The following C2orf74 variants were observed in gnomAD, a reference collection of about 807,000 sequenced individuals.
C2orf74 encodes the protein uncharacterized protein C2orf74.
C2orf74 carries 14 observed loss-of-function variants against 17.9 expected under a neutral mutation model. That is an observed-to-expected ratio of 0.78 (90% CI 0.52 to 1.22). C2orf74 has a LOEUF of 1.22. C2orf74 is among the 50% of genes most tolerant of loss of function. C2orf74 has a pLI of 0.00. For missense variants in C2orf74, 217 were observed against 218.4 expected, an observed-to-expected ratio of 0.99 and a Z score of 0.04; for synonymous variants, 79 against 72.6, an observed-to-expected ratio of 1.09 and a Z score of -0.44.
upstream of C2orf74, among the ~76,000 whole-genome samples, chr2:61,160,191 T>C (rs1053576716): frequency 7.3e-5 from 11 of 151,286 alleles, no homozygotes; most frequent in Non-Finnish European, 1.5e-4. Context: ...GAAGTCCTGC[T>C]CTTGTTCTCC....
At chr2:61,151,855 A>G (rs1685236785) in intron 1 of C2orf74, 1 of 152,342 alleles carries the variant, frequency 6.6e-6, no homozygotes, top group South Asian at 2.1e-4. Context: ...GAAGGGAGGA[A>G]TATTAAAACC....
intron 1 of C2orf74, among the ~76,000 whole-genome samples, chr2:61,150,127 G>C (rs1239527804): frequency 1.3e-5 from 2 of 152,122 alleles, no homozygotes; most frequent in Non-Finnish European, 2.9e-5. Context: ...AGGTGCTGAG[G>C]GTTGGTGAAG....
chr2:61,152,659 G>A (rs1685264938), intron 1 of C2orf74, among the ~76,000 whole-genome samples: 1 of 149,294 alleles, frequency 6.7e-6, no homozygotes, highest in African/African-American at 2.5e-5. Flanking sequence ...GATCAGCCTG[G>A]GCAACATGGT....
intron 2 of C2orf74, 89 bp downstream of exon 2, chr2:61,162,698 C>G: frequency 2.8e-6 from 3 of 1,076,864 alleles, no homozygotes; most frequent in Non-Finnish European, 4.1e-6. Context: ...TAAAACAGAA[C>G]AAGTAATGAT....
At chr2:61,148,348 A>C (rs1685131234) in intron 1 of C2orf74, among the ~76,000 whole-genome samples, 1 of 150,072 alleles carries the variant, frequency 6.7e-6, no homozygotes. Context: ...CACCACGTCC[A>C]GCAAATTTTT....
At chr2:61,152,851 CAAAA>C (rs11334583) in intron 1 of C2orf74, among the ~76,000 whole-genome samples, 9 of 82,648 alleles carry the variant, frequency 1.1e-4, no homozygotes, top group Admixed American at 2.6e-4. Flanking sequence ...TCCATCTCAC[CAAAA>C]AAAAAAAAAA....
intron 1 of C2orf74, chr2:61,151,907 C>A (rs1430293209): frequency 6.6e-6 from 1 of 152,406 alleles, no homozygotes; most frequent in Non-Finnish European, 1.5e-5. Context: ...CAAATTCAGT[C>A]CAGGTACATT....
In C2orf74 at chr2:61,163,178, C is replaced by T; in HGVS notation, c.336C>T (p.Asn112=). The T allele has an allele frequency of 6.4e-7, 1 of 1,552,280 alleles. No homozygotes were observed. ...NRRDMEAEEE[N]QINEKQEPEN... is the part of the protein sequence containing the mutation. ...GGGACATGGAGGCAGAAGAGGAGAA[C>T]CAAATAAATGAGAAGCAAGAGCCTG... The change falls in exon 4 of 5, where the codon AAC becomes AAT. Residue 112 remains asparagine, a synonymous_variant. Transcript: ENST00000432605.
At chr2:61,155,083 CAG>C (rs1228661549) in intron 1 of C2orf74, among the ~76,000 whole-genome samples, 2 of 151,952 alleles carry the variant, frequency 1.3e-5, no homozygotes, top group Non-Finnish European at 2.9e-5. Context: ...AAAAAAGAAA[CAG>C]AAAAGTTTAA....
rs1685673662 is a variant in C2orf74 at position 61,164,544 on chromosome 2, A to G, written c.*17A>G. ...AGGAAATGAAGCTCAAAAAAGGGTA[A>G]GAGTGAAAGAAAATGTAACGTTTGA... On this transcript the variant is annotated 3_prime_UTR_variant, in exon 5 of 5. Coordinates refer to ENST00000432605, the MANE Select transcript of C2orf74 (RefSeq NM_001143959.4). The G allele has an allele frequency of 2.7e-6, 4 of 1,477,544 alleles. No individual in the cohort carries two copies. The highest frequency in any genetic ancestry group is 1.4e-5 in the African/African-American group (1 of 69,990). The allele number at this position is 1,477,544 out of a possible 1,614,324, so 91.5% of individuals were successfully genotyped here. A position where few individuals can be genotyped will look rare whatever the true frequency, so the allele number is the denominator to read the frequency against.
At chr2:61,158,354 A>G (rs1685459794), upstream of C2orf74, among the ~76,000 whole-genome samples, 1 of 152,218 alleles carries the variant, frequency 6.6e-6, no homozygotes, top group Admixed American at 6.5e-5. Context: ...GAGAAATTAC[A>G]AAGACTATGA....
At chr2:61,157,857 C>T, upstream of C2orf74, 1 of 470,008 alleles carries the variant, frequency 2.1e-6, no homozygotes, top group Non-Finnish European at 4.4e-6. Context: ...ATGTTTTTGT[C>T]ACAGGATTTC....
chr2:61,148,557 C>G (rs1298395251), intron 1 of C2orf74, among the ~76,000 whole-genome samples: 3 of 152,094 alleles, frequency 2.0e-5, no homozygotes, highest in Non-Finnish European at 4.4e-5. Context: ...AGTTTTTTAA[C>G]TAATTTTAAA....
intron 1 of C2orf74, among the ~76,000 whole-genome samples, chr2:61,155,311 G>T (rs1368485760): frequency 6.6e-6 from 1 of 152,032 alleles, no homozygotes; most frequent in Non-Finnish European, 1.5e-5. Flanking sequence ...AATTGTTCAT[G>T]AAATGTTTCT....
chr2:61,161,140 C>T (rs1298570152), upstream of C2orf74, among the ~76,000 whole-genome samples: 4 of 152,144 alleles, frequency 2.6e-5, no homozygotes, highest in Non-Finnish European at 5.9e-5. Flanking sequence ...TTTTGATTTG[C>T]ACTTCCCTAA....
upstream of C2orf74, chr2:61,158,069 A>C: frequency 2.2e-6 from 1 of 460,898 alleles, no homozygotes; most frequent in Non-Finnish European, 4.5e-6. Context: ...TCTGACCCCA[A>C]CATGGCAGAT....
At chr2:61,158,094 A>G (rs1033014432), upstream of C2orf74, 4 of 441,672 alleles carry the variant, frequency 9.1e-6, no homozygotes, top group East Asian at 2.8e-4. Context: ...GGAGCACAAG[A>G]AAAGCCCCCC....
intron 1 of C2orf74, among the ~76,000 whole-genome samples, chr2:61,148,528 T>C (rs1032233664): frequency 2.0e-5 from 3 of 152,204 alleles, no homozygotes; most frequent in Non-Finnish European, 4.4e-5. Context: ...TTGTTTTACT[T>C]GTTTTGGAAA....
upstream of C2orf74, among the ~76,000 whole-genome samples, chr2:61,158,419 T>G (rs1408439600): frequency 6.6e-6 from 1 of 151,962 alleles, no homozygotes; most frequent in East Asian, 1.9e-4. Context: ...GGGCAAGGGG[T>G]TGGGATATAC....
Sources: allele counts gnomAD v4.1 joint callset (sites outside exome capture counted in the v4.1 genomes callset), GRCh38; gene constraint gnomAD v4.1.1; transcripts MANE v1.5; gene names NCBI Gene and HGNC (gene_info 2026-07-23, HGNC 2026-07-21).